Variants in CCDC201 observed in about 807,000 individuals in gnomAD.
The protein encoded by CCDC201 is coiled-coil domain-containing protein 201.
upstream of CCDC201, among the ~76,000 whole-genome samples, chr7:45,874,294 C>T (rs184168984): frequency 6.6e-6 from 1 of 152,196 alleles, no homozygotes; most frequent in African/African-American, 2.4e-5. Context: ...TTTAGCAGAA[C>T]CAAGACAAGA....
the CCDC201 span, among the ~76,000 whole-genome samples, chr7:45,879,274 T>C: frequency 6.6e-6 from 1 of 152,174 alleles, no homozygotes; most frequent in South Asian, 2.1e-4. Flanking sequence ...TTCTGAGCCC[T>C]CCAAACTGTT....
upstream of CCDC201, among the ~76,000 whole-genome samples, chr7:45,874,471 T>C (rs1322625356): frequency 2.6e-5 from 4 of 152,196 alleles, no homozygotes; most frequent in East Asian, 5.8e-4. Context: ...CTTTCCCAGC[T>C]CTGAAACATC....
At chr7:45,870,120 G>A (rs1044274331) in intron 1 of CCDC201, among the ~76,000 whole-genome samples, 1 of 152,152 alleles carries the variant, frequency 6.6e-6, no homozygotes, top group Non-Finnish European at 1.5e-5. Flanking sequence ...GCCAGCAGTT[G>A]CTCCACATTC....
the CCDC201 span, among the ~76,000 whole-genome samples, chr7:45,882,284 A>T: frequency 6.6e-6 from 1 of 152,320 alleles, no homozygotes; most frequent in Non-Finnish European, 1.5e-5. Flanking sequence ...CAGAGGTCCC[A>T]GCCTCTGCCG....
chr7:45,874,951 T>C (rs1786783838), upstream of CCDC201, among the ~76,000 whole-genome samples: 1 of 152,222 alleles, frequency 6.6e-6, no homozygotes, highest in South Asian at 2.1e-4. Flanking sequence ...TTCCTGTTAC[T>C]GGTAGCCATG....
exon 3 of CCDC201, chr7:45,862,327 A>C (rs1786613749): frequency 6.6e-6 from 1 of 152,294 alleles, no homozygotes; most frequent in Non-Finnish European, 1.5e-5. Flanking sequence ...TCAGCCATGC[A>C]GTGTGGGTGG....
At chr7:45,880,425 T>C in the CCDC201 span, among the ~76,000 whole-genome samples, 15 of 152,198 alleles carry the variant, frequency 9.9e-5, no homozygotes, top group African/African-American at 3.6e-4. Context: ...TGGCACCCTG[T>C]GTGATATGCA....
chr7:45,863,924 C>T (rs571655755), intron 2 of CCDC201, among the ~76,000 whole-genome samples: 9 of 152,164 alleles, frequency 5.9e-5, no homozygotes, highest in African/African-American at 1.7e-4. Context: ...CACCGGGAGG[C>T]GTCCTGGAGC....
chr7:45,878,317 G>A, the CCDC201 span, among the ~76,000 whole-genome samples: 1 of 152,194 alleles, frequency 6.6e-6, no homozygotes, highest in Non-Finnish European at 1.5e-5. Context: ...ACTGGGCAGT[G>A]CTCCAGTGGG....
At chr7:45,878,486 T>C in the CCDC201 span, among the ~76,000 whole-genome samples, 1 of 152,230 alleles carries the variant, frequency 6.6e-6, no homozygotes, top group Admixed American at 6.5e-5. Flanking sequence ...GCCTCAACTC[T>C]TGCCTCTGTG....
At chr7:45,874,814 G>A (rs1786782119), upstream of CCDC201, among the ~76,000 whole-genome samples, 1 of 152,192 alleles carries the variant, frequency 6.6e-6, no homozygotes, top group East Asian at 1.9e-4. Flanking sequence ...GGGCTCTAGG[G>A]GTACAGCCTT....
upstream of CCDC201, among the ~76,000 whole-genome samples, chr7:45,877,086 G>A (rs146640994): frequency 3.9e-5 from 6 of 152,318 alleles, no homozygotes; most frequent in African/African-American, 1.2e-4. Flanking sequence ...AGCCCTGGAC[G>A]ATGAGAGCCC....
chr7:45,865,350 T>C (rs1376494739), intron 2 of CCDC201, among the ~76,000 whole-genome samples: 2 of 152,210 alleles, frequency 1.3e-5, no homozygotes, highest in South Asian at 4.1e-4. Context: ...GTGTGTGCCC[T>C]GCTGGTTCTC....
At chr7:45,881,379 C>T in the CCDC201 span, among the ~76,000 whole-genome samples, 6 of 152,296 alleles carry the variant, frequency 3.9e-5, no homozygotes, top group East Asian at 1.9e-4. Flanking sequence ...TGTGCAAGTG[C>T]GGGCCCAGAA....
the CCDC201 span, among the ~76,000 whole-genome samples, chr7:45,878,649 C>A: frequency 1.3e-5 from 2 of 152,262 alleles, no homozygotes; most frequent in Non-Finnish European, 2.9e-5. Flanking sequence ...CTGTATAGAG[C>A]AGCAGGGCCC....
At chr7:45,880,961 G>A in the CCDC201 span, among the ~76,000 whole-genome samples, 14 of 152,228 alleles carry the variant, frequency 9.2e-5, no homozygotes, top group African/African-American at 3.4e-4. Context: ...ATCCCCATGG[G>A]GGTCATGGCA....
At chr7:45,870,184 T>A (rs183818606) in intron 1 of CCDC201, among the ~76,000 whole-genome samples, 8 of 152,210 alleles carry the variant, frequency 5.3e-5, no homozygotes, top group Non-Finnish European at 8.8e-5. Context: ...TTTCTGACAG[T>A]CTAGTAGTGC....
intron 1 of CCDC201, 144 bp downstream of exon 1, chr7:45,872,846 G>A: frequency 6.5e-6 from 1 of 152,752 alleles, no homozygotes; most frequent in Non-Finnish European, 1.5e-5. Flanking sequence ...CTTTGTGCCA[G>A]CTCAGGACAG....
At chr7:45,865,927 AG>A (rs1236937614) in intron 2 of CCDC201, 108 bp downstream of exon 2, 1 of 152,692 alleles carries the variant, frequency 6.5e-6, no homozygotes, top group Non-Finnish European at 1.5e-5. Flanking sequence ...TGGGGGAAGG[AG>A]GGTGTTGAGT....
Sources: allele counts gnomAD v4.1 joint callset (sites outside exome capture counted in the v4.1 genomes callset), GRCh38; gene constraint gnomAD v4.1.1; transcripts MANE v1.5; gene names NCBI Gene and HGNC (gene_info 2026-07-23, HGNC 2026-07-21).